IQANK1: variants seen among roughly 807,000 people sequenced by gnomAD.
The protein encoded by IQANK1 is IQ motif and ankyrin repeat containing 1, also known as IQ motif and ankyrin repeat domain-containing protein 1.
A neutral mutation model predicts 22.6 loss-of-function variants in IQANK1; 30 were observed. The ratio of observed to expected loss-of-function variants is 1.33; its 90% CI spans 0.99 to 1.80. The LOEUF (loss-of-function observed/expected upper bound fraction) is 1.80. IQANK1 is among the 40% of genes most tolerant of loss of function. The probability of loss-of-function intolerance (pLI) is 0.00; values close to 1 mark genes in which losing one functional copy is unlikely to be tolerated. For missense variants in IQANK1, 275 were observed against 235.2 expected, an observed-to-expected ratio of 1.17 and a Z score of -1.11; for synonymous variants, 122 against 99.6, an observed-to-expected ratio of 1.23 and a Z score of -1.34.
At chr8:143,785,829 C>A (rs1819875373) in intron 7 of IQANK1, among the ~76,000 whole-genome samples, 1 of 151,944 alleles carries the variant, frequency 6.6e-6, no homozygotes, top group Admixed American at 6.6e-5. Flanking sequence ...CAGATTCAAG[C>A]AATTCTCCTG....
intron 3 of IQANK1, among the ~76,000 whole-genome samples, chr8:143,753,438 G>C (rs1201232175): frequency 6.7e-6 from 1 of 148,368 alleles, no homozygotes; most frequent in African/African-American, 2.5e-5. Context: ...TGCCATCAAG[G>C]TTATTTTTAG....
At chr8:143,770,556 C>A (rs1819552993) in intron 3 of IQANK1, among the ~76,000 whole-genome samples, 1 of 152,196 alleles carries the variant, frequency 6.6e-6, no homozygotes, top group Non-Finnish European at 1.5e-5. Context: ...CGCCATTCTG[C>A]CCATGCTCCC....
chr8:143,786,898 GC>G (rs1344244692), intron 7 of IQANK1, among the ~76,000 whole-genome samples: 1 of 152,226 alleles, frequency 6.6e-6, no homozygotes, highest in African/African-American at 2.4e-5. Context: ...AGCCCCTGTG[GC>G]TGCCAGGGAA....
chr8:143,777,413 G>A (rs1819708341), intron 7 of IQANK1, among the ~76,000 whole-genome samples: 1 of 151,100 alleles, frequency 6.6e-6, no homozygotes, highest in African/African-American at 2.4e-5. Context: ...CTGCTCAGGG[G>A]GCTGAGGCAG....
intron 3 of IQANK1, among the ~76,000 whole-genome samples, chr8:143,761,199 G>T (rs907268874): frequency 5.3e-5 from 8 of 152,140 alleles, no homozygotes; most frequent in Admixed American, 2.6e-4. Flanking sequence ...TCTCCCGCGG[G>T]CGCCCTGCTC....
chr8:143,772,533 TGGGCCTCGGGAGGTGTGAGCCCCG>T (rs1819600999), intron 7 of IQANK1, 51 bp downstream of exon 7: 1 of 397,752 alleles, frequency 2.5e-6, no homozygotes, highest in Admixed American at 4.4e-5. Flanking sequence ...CCGGGAGGTG[TGGGCCTCGGGAGGTGTGAGCCCCG>T]GGAGGTGTGG....
chr8:143,763,138 C>G (rs1211940195), intron 3 of IQANK1, among the ~76,000 whole-genome samples: 1 of 152,072 alleles, frequency 6.6e-6, no homozygotes, highest in East Asian at 1.9e-4. Context: ...GCCTCAGCCC[C>G]CTGAGTAGCT....
At position 143,771,552 on chromosome 8, in the gene IQANK1, G is replaced by A. The variant is rs953870610; in HGVS notation, c.240G>A (p.Arg80=). Residue 80 remains arginine, a synonymous_variant, in exon 4 of 14, where the codon AGG becomes AGA. Coordinates refer to ENST00000527139, the MANE Select transcript of IQANK1 (RefSeq NM_001381874.1). The surrounding 1 kb of genome is among the most constrained non-coding windows in gnomAD (Gnocchi z 6.0). ...CCTTCCGGCAGCTCCGGGCCAGGAG[G>A]GAGCTCGCCCGCCGCCGGGAGGAGC... is the stretch of plus-strand genomic sequence containing the variant. ...QGAFRQLRAR[R]ELARRREERR... 3 of 398,176 alleles carry A rather than the reference G, an allele frequency of 7.5e-6. No individual in the cohort carries two copies. The highest frequency in any genetic ancestry group is 2.1e-5 in the African/African-American group (1 of 48,608). The allele number at this position is 398,176 out of a possible 1,614,324, so 24.7% of individuals were successfully genotyped here.
intron 7 of IQANK1, among the ~76,000 whole-genome samples, chr8:143,773,307 A>AAAACAAAAAAAAC (rs1819617678): frequency 1.4e-5 from 2 of 143,230 alleles, no homozygotes; most frequent in African/African-American, 5.9e-5. Context: ...ACTCAAAAAA[A>AAAACAAAAAAAAC]AAAAAAAAAC....
At chr8:143,764,115 G>C (rs1272666153) in intron 3 of IQANK1, among the ~76,000 whole-genome samples, 1 of 152,112 alleles carries the variant, frequency 6.6e-6, no homozygotes, top group Non-Finnish European at 1.5e-5. Context: ...ACAGAACAGA[G>C]ACAGGAAACA....
intron 7 of IQANK1, among the ~76,000 whole-genome samples, chr8:143,777,331 C>A (rs945598954): frequency 6.6e-6 from 1 of 151,876 alleles, no homozygotes; most frequent in African/African-American, 2.4e-5. Flanking sequence ...GGCTGGCTAA[C>A]ATGGTGAAAC....
chr8:143,740,210 G>A (rs1818868217), intron 3 of IQANK1, among the ~76,000 whole-genome samples: 1 of 151,936 alleles, frequency 6.6e-6, no homozygotes, highest in East Asian at 1.9e-4. Context: ...CGGGTGCGTG[G>A]CCTCTCGGGA....
chr8:143,781,607 G>A (rs186611804), intron 7 of IQANK1, among the ~76,000 whole-genome samples: 5 of 152,236 alleles, frequency 3.3e-5, no homozygotes, highest in Admixed American at 3.3e-4. Context: ...GTTTTTGTCA[G>A]CTTTGTTGAA....
intron 7 of IQANK1, among the ~76,000 whole-genome samples, chr8:143,786,075 C>G (rs1425739504): frequency 3.3e-5 from 5 of 152,050 alleles, no homozygotes; most frequent in African/African-American, 1.2e-4. Context: ...GTTGCCCAGG[C>G]TGGTCTTCAA....
intron 3 of IQANK1, among the ~76,000 whole-genome samples, chr8:143,763,066 G>A (rs927620375): frequency 4.6e-5 from 7 of 150,728 alleles, no homozygotes; most frequent in African/African-American, 1.2e-4. Context: ...ACCCAGGCTG[G>A]AGTGCAGTGG....
chr8:143,748,498 T>C (rs1160487270), intron 3 of IQANK1, among the ~76,000 whole-genome samples: 1 of 139,818 alleles, frequency 7.2e-6, no homozygotes, highest in Non-Finnish European at 1.5e-5. Flanking sequence ...AGATGATATA[T>C]ATGATATATA....
intron 7 of IQANK1, among the ~76,000 whole-genome samples, chr8:143,775,335 T>TACACAC (rs55908803): frequency 9.5e-5 from 14 of 147,620 alleles, no homozygotes; most frequent in African/African-American, 2.5e-4. Flanking sequence ...CCAGGCATGC[T>TACACAC]ACACACACAC....
chr8:143,748,824 A>ATATATTTCATATATAAATATATAAATG (rs1819103219), intron 3 of IQANK1, among the ~76,000 whole-genome samples: 7 of 110,666 alleles, frequency 6.3e-5, no homozygotes, highest in Admixed American at 5.6e-4. Flanking sequence ...ATATATAAAT[A>ATATATTTCATATATAAATATATAAATG]TATATTTCAT....
intron 7 of IQANK1, among the ~76,000 whole-genome samples, chr8:143,778,109 G>T (rs1203080639): frequency 6.6e-6 from 1 of 151,876 alleles, no homozygotes; most frequent in Non-Finnish European, 1.5e-5. Flanking sequence ...GCAGGAGAAT[G>T]GCGTGAACCC....
Sources: gnomAD v4.1 joint callset for allele counts (sites outside exome capture counted in the v4.1 genomes callset) on GRCh38, gnomAD v4.1.1 for gene constraint, Gnocchi (gnomAD v3.1) non-coding constraint, MANE v1.5 for transcripts, NCBI Gene and HGNC (gene_info 2026-07-23, HGNC 2026-07-21) for gene names.